DR1: variants seen among roughly 807,000 people sequenced by gnomAD.
DR1 encodes the protein down-regulator of transcription 1.
DR1 carries 7 observed loss-of-function variants against 19.9 expected under a neutral mutation model. The ratio of observed to expected loss-of-function variants is 0.35; its 90% CI spans 0.20 to 0.66. The LOEUF (loss-of-function observed/expected upper bound fraction) is 0.66, where lower values mean the gene tolerates loss of function less well. Ranked by LOEUF, DR1 falls within the 30% of genes least tolerant of loss-of-function variation. The pLI is 0.66. For missense variants in DR1, 98 were observed against 203.7 expected (o/e 0.48, Z 3.16); for synonymous variants, 76 against 72.5 (o/e 1.05, Z -0.24).
chr1:93,351,985 G>A (rs1257426042), intron 1 of DR1, among the ~76,000 whole-genome samples: 3 of 152,118 alleles, frequency 2.0e-5, no homozygotes, highest in East Asian at 3.9e-4. Context: ...GTGATTCTTA[G>A]GTGCTAGACA....
At chr1:93,350,511 CAT>C (rs1262251886) in intron 1 of DR1, among the ~76,000 whole-genome samples, 1 of 152,080 alleles carries the variant, frequency 6.6e-6, no homozygotes, top group Non-Finnish European at 1.5e-5. Context: ...AAATGAAAAA[CAT>C]GTTTTATGCA....
rs1667130441 is a variant in DR1 at position 93,366,431 on chromosome 1, G to A, written c.*5792G>A. 6.6e-6 allele frequency: 1 copy of A among 152,108 alleles called. No individual in the cohort carries two copies. The highest frequency in any genetic ancestry group is 1.5e-5 in the Non-Finnish European group (1 of 68,028). The allele number at this position is 152,108 out of a possible 1,614,324, so 9.4% of individuals were successfully genotyped here. A position where few individuals can be genotyped will look rare whatever the true frequency, so the allele number is the denominator to read the frequency against. ...TGCACAGATCTGTATATTCGCAATT[G>A]AAATAGGGAAAGTCTTTATATTCAT... On this transcript the variant is annotated 3_prime_UTR_variant, in exon 3 of 3. Transcript: ENST00000370272.
In DR1 at chr1:93,365,194, G is replaced by GCA. The variant is rs1428970931; in HGVS notation, c.*4555_*4556insCA. On this transcript the variant is annotated 3_prime_UTR_variant, in exon 3 of 3. Transcript: ENST00000370272. ...TATAGATTGCAGTGGCTAGATTACA[G>GCA]TGACTATTCACAGGCATAATCATAA... 6 of 152,114 alleles carry GCA rather than the reference G, an allele frequency of 3.9e-5. No individual in the cohort carries two copies. Among genetic ancestry groups the GCA allele is most frequent in the Admixed American group, 1.3e-4 (2 of 15,270 alleles). The allele number at this position is 152,114 out of a possible 1,614,324, so 9.4% of individuals were successfully genotyped here.
intron 1 of DR1, among the ~76,000 whole-genome samples, chr1:93,347,118 A>G (rs542178117): frequency 1.1e-4 from 17 of 152,330 alleles, no homozygotes; most frequent in African/African-American, 3.4e-4. Context: ...AAAGAATAAG[A>G]GTGATCTCAC....
chr1:93,352,806 A>G (rs2101636691), intron 1 of DR1, among the ~76,000 whole-genome samples: 1 of 152,294 alleles, frequency 6.6e-6, no homozygotes, highest in Admixed American at 6.5e-5. Context: ...CCAAAACTAT[A>G]AAATATAATT....
At position 93,361,411 on chromosome 1, in the gene DR1, GTATTA is replaced by G. The variant is rs1667050133; in HGVS notation, c.*773_*777del. 6.6e-6 allele frequency: 1 copy of G among 152,462 alleles called. No individual in the cohort carries two copies. The highest frequency in any genetic ancestry group is 1.5e-5 in the Non-Finnish European group (1 of 67,964). 9.4% of individuals were successfully genotyped at this position (152,462 alleles called of 1,614,324 possible). Reference sequence around the variant, plus strand: ...CACTCCAATTCAGTAATTGTTGATAGTATTACTTACCTAGTCCATCCATACTCATA... The same window carrying G: ...CACTCCAATTCAGTAATTGTTGATAGCTTACCTAGTCCATCCATACTCATA... On this transcript the variant is annotated 3_prime_UTR_variant, in exon 3 of 3. Coordinates refer to ENST00000370272, the MANE Select transcript of DR1 (RefSeq NM_001938.3).
In DR1 at chr1:93,367,515, T is replaced by A. The variant is rs1429311236; in HGVS notation, c.*6876T>A. ...AAGTGGGAGCCAACCCTGGACAGGA[T>A]GCCTTTTCATCACAGGGCGCACTCA... is the stretch of plus-strand genomic sequence containing the variant. On this transcript the variant is annotated 3_prime_UTR_variant, in exon 3 of 3. Coordinates refer to ENST00000370272, the MANE Select transcript of DR1 (RefSeq NM_001938.3). 1 of 152,154 alleles carries A rather than the reference T, an allele frequency of 6.6e-6. No individual in the cohort carries two copies. Among genetic ancestry groups the A allele is most frequent in the Non-Finnish European group, 1.5e-5 (1 of 68,050 alleles). The allele number at this position is 152,154 out of a possible 1,614,324, so 9.4% of individuals were successfully genotyped here.
At chr1:93,360,467 T>A (rs199518567) in intron 2 of DR1, 26 bp from the exon 3 acceptor site, 2 of 1,500,124 alleles carry the variant, frequency 1.3e-6, no homozygotes, top group East Asian at 2.4e-5. Context: ...AAAATTGTTA[T>A]TTTTTTTTAT....
chr1:93,346,164 G>A lies in DR1; in HGVS notation c.-482G>A. 4.4e-6 allele frequency: 1 copy of A among 227,202 alleles called. No homozygotes were observed. Among genetic ancestry groups the A allele is most frequent in the Non-Finnish European group, 8.7e-6 (1 of 114,982 alleles). The allele number at this position is 227,202 out of a possible 1,614,324, so 14.1% of individuals were successfully genotyped here. On this transcript the variant is annotated 5_prime_UTR_variant, in exon 1 of 3. Transcript: ENST00000370272. ...GTGTCTGAAGGATGGTTTGGCCGAGGCGGCGGCAACGGCTGCTGGCGGCGG... is the reference window on the plus strand; with the variant it reads ...GTGTCTGAAGGATGGTTTGGCCGAGACGGCGGCAACGGCTGCTGGCGGCGG...
chr1:93,366,696 A>T lies in DR1; in HGVS notation c.*6057A>T, dbSNP rs944850294. ...ATTAATATGAGCTTTATATACATTT[A>T]AAAAGGATAAAAACAAGTAAGAATT... On this transcript the variant is annotated 3_prime_UTR_variant, in exon 3 of 3. Transcript: ENST00000370272. The T allele has an allele frequency of 3.9e-5, 6 of 152,208 alleles. No homozygotes were observed. Among genetic ancestry groups the T allele is most frequent in the Non-Finnish European group, 8.8e-5 (6 of 68,032 alleles). 9.4% of individuals were successfully genotyped at this position (152,208 alleles called of 1,614,324 possible). A position where few individuals can be genotyped will look rare whatever the true frequency, so the allele number is the denominator to read the frequency against.
At chr1:93,347,739 A>G (rs995351949) in intron 1 of DR1, among the ~76,000 whole-genome samples, 5 of 152,092 alleles carry the variant, frequency 3.3e-5, no homozygotes, top group African/African-American at 9.6e-5. Flanking sequence ...GATTTGGGGG[A>G]CTGTATTCTG....
At chr1:93,349,690 A>G (rs545337595) in intron 1 of DR1, among the ~76,000 whole-genome samples, 6 of 152,198 alleles carry the variant, frequency 3.9e-5, no homozygotes, top group African/African-American at 1.4e-4. Flanking sequence ...TCAGCTGTTG[A>G]GTTGCTCCAA....
intron 2 of DR1, among the ~76,000 whole-genome samples, chr1:93,354,439 T>C (rs566113963): frequency 1.7e-4 from 26 of 152,208 alleles, no homozygotes; most frequent in Non-Finnish European, 3.7e-4. Context: ...CTGATTAATA[T>C]CAACTGTGTA....
intron 2 of DR1, among the ~76,000 whole-genome samples, chr1:93,358,260 G>C (rs55959166): frequency 0.028 from 4,260 of 152,212 alleles, 188 homozygotes; most frequent in African/African-American, 0.097. Flanking sequence ...TTTGTGACTG[G>C]ACCTAGTACT....
At chr1:93,355,966 C>A (rs1236873621) in intron 2 of DR1, among the ~76,000 whole-genome samples, 1 of 152,124 alleles carries the variant, frequency 6.6e-6, no homozygotes, top group Non-Finnish European at 1.5e-5. Context: ...ACCTTTAATA[C>A]ATCAAGATTA....
chr1:93,347,750 G>A (rs1341952244), intron 1 of DR1, among the ~76,000 whole-genome samples: 1 of 152,054 alleles, frequency 6.6e-6, no homozygotes, highest in Non-Finnish European at 1.5e-5. Flanking sequence ...CTGTATTCTG[G>A]TGGTTTCAGA....
chr1:93,346,719 C>G lies in DR1; in HGVS notation c.74C>G (p.Thr25Ser), dbSNP rs749283246. The G allele has an allele frequency of 5.0e-6, 8 of 1,614,048 alleles. No homozygotes were observed. Among genetic ancestry groups the G allele is most frequent in the Non-Finnish European group, 6.8e-6 (8 of 1,180,042 alleles). ...RAAINKMIKE[T>S]LPNVRVANDA... Reference sequence around the variant, plus strand: ...GCTATCAATAAAATGATCAAAGAGACTCTTCCTAATGTCCGGGTGGCCAAC... The same window carrying G: ...GCTATCAATAAAATGATCAAAGAGAGTCTTCCTAATGTCCGGGTGGCCAAC... Residue 25 changes from threonine to serine, a missense_variant, in exon 1 of 3, where the codon ACT (threonine) becomes AGT (serine). Physicochemically the swap from Thr to Ser is moderately conservative, Grantham distance 58 (BLOSUM62 1). Transcript: ENST00000370272.
chr1:93,355,157 A>AT (rs1476679569), intron 2 of DR1: 1 of 152,082 alleles, frequency 6.6e-6, no homozygotes, highest in Non-Finnish European at 1.5e-5. Flanking sequence ...GTGACAGAAG[A>AT]TTTTCTCCTG....
intron 1 of DR1, among the ~76,000 whole-genome samples, chr1:93,350,491 G>T (rs188610716): frequency 2.2e-4 from 33 of 152,250 alleles, no homozygotes; most frequent in African/African-American, 3.8e-4. Context: ...TGTATATCAC[G>T]TAATTTTACA....
Sources: allele counts gnomAD v4.1 joint callset (sites outside exome capture counted in the v4.1 genomes callset), GRCh38; gene constraint gnomAD v4.1.1; transcripts MANE v1.5; gene names NCBI Gene and HGNC (gene_info 2026-07-23, HGNC 2026-07-21).